Variants in ABCC4 observed in about 807,000 individuals in gnomAD.
The protein encoded by ABCC4 is ATP binding cassette subfamily C member 4 (PEL blood group), also known as ATP-binding cassette sub-family C member 4.
A neutral mutation model predicts 168.5 loss-of-function variants in ABCC4; 102 were observed. That is an observed-to-expected ratio of 0.61 (90% CI 0.52 to 0.71). ABCC4 has a LOEUF of 0.71. Ranked by LOEUF, ABCC4 falls within the 30% of genes least tolerant of loss-of-function variation. The pLI, the probability that ABCC4 is intolerant of heterozygous loss-of-function variation, is 0.00. For missense variants in ABCC4, 1,402 were observed against 1,605.8 expected (o/e 0.87, Z 2.17); for synonymous variants, 617 against 590.7 (o/e 1.04, Z -0.65).
chr13:95,279,853 A>T (rs59517595), intron 1 of ABCC4, among the ~76,000 whole-genome samples: 1,785 of 152,244 alleles, frequency 0.012, 34 homozygotes, highest in African/African-American at 0.04. Context: ...GCCCCCCAGG[A>T]ACAACAGAGC....
chr13:95,054,231 T>C (rs1158261096), intron 26 of ABCC4, among the ~76,000 whole-genome samples: 1 of 151,900 alleles, frequency 6.6e-6, no homozygotes, highest in East Asian at 1.9e-4. Flanking sequence ...TGAAAACCAC[T>C]GTGAAGGAGG....
intron 9 of ABCC4, among the ~76,000 whole-genome samples, chr13:95,188,777 G>A (rs1237063291): frequency 6.6e-6 from 1 of 152,080 alleles, no homozygotes; most frequent in Non-Finnish European, 1.5e-5. Context: ...CCTTTTACCA[G>A]ATTTTCATGT....
At chr13:95,037,482 A>G (rs1437551275) in intron 29 of ABCC4, among the ~76,000 whole-genome samples, 1 of 152,238 alleles carries the variant, frequency 6.6e-6, no homozygotes, top group Non-Finnish European at 1.5e-5. Context: ...CAAGATGCTG[A>G]CAGCCAGAGA....
rs936361521 is a variant in ABCC4, at chr13:95,235,559, A to G, written c.307-725T>C. Among the ~76,000 whole-genome samples the G allele has an allele frequency of 6.6e-5, 10 of 152,236 alleles. No individual in the cohort carries two copies. The East Asian group carries it at 7.7e-4, about 12-fold the overall frequency. ...CCCACAGGCTCGTCTATGGGAGGCC[A>G]GCACTCTTGCCACCTTCTTCACAGT... On this transcript the variant is annotated intron_variant, in intron 3 of 30. Transcript: ENST00000645237.
intron 3 of ABCC4, among the ~76,000 whole-genome samples, chr13:95,244,368 G>C (rs1490883167): frequency 2.0e-5 from 3 of 151,526 alleles, no homozygotes; most frequent in African/African-American, 7.3e-5. Flanking sequence ...GGCCAAGGTG[G>C]GAGGATCATT....
intron 1 of ABCC4, among the ~76,000 whole-genome samples, chr13:95,274,504 G>C (rs1027235188): frequency 7.2e-5 from 11 of 152,138 alleles, no homozygotes; most frequent in Non-Finnish European, 1.3e-4. Context: ...GTAGCTTACA[G>C]CCTGCCAAAA....
intron 20 of ABCC4, among the ~76,000 whole-genome samples, chr13:95,088,019 T>C: frequency 6.6e-6 from 1 of 152,210 alleles, no homozygotes; most frequent in East Asian, 1.9e-4. Context: ...TCATCCCTCA[T>C]ATGCTAATCT....
intron 4 of ABCC4, among the ~76,000 whole-genome samples, chr13:95,218,921 A>AAGAGAGAGAGAGAG (rs1289387063): frequency 1.2e-4 from 3 of 24,732 alleles, no homozygotes; most frequent in Non-Finnish European, 1.9e-4. Flanking sequence ...GAGAGAGAGA[A>AAGAGAGAGAGAGAG]AGAAAGAGAA....
intron 19 of ABCC4, among the ~76,000 whole-genome samples, chr13:95,136,355 A>C (rs564703736): frequency 6.6e-6 from 1 of 152,058 alleles, no homozygotes; most frequent in African/African-American, 2.4e-5. Flanking sequence ...GTGTCTCACT[A>C]TGTTACCCAG....
intron 30 of ABCC4, among the ~76,000 whole-genome samples, chr13:95,032,040 G>A (rs980842817): frequency 6.6e-6 from 1 of 152,122 alleles, no homozygotes; most frequent in Non-Finnish European, 1.5e-5. Flanking sequence ...ATGATTGATC[G>A]GGTTTTATGA....
intron 19 of ABCC4, among the ~76,000 whole-genome samples, chr13:95,145,455 T>C (rs2036459806): frequency 2.1e-5 from 3 of 146,280 alleles, no homozygotes; most frequent in Non-Finnish European, 1.5e-5. Flanking sequence ...ACCCCATCTC[T>C]ACCTAAAAAA....
intron 1 of ABCC4, among the ~76,000 whole-genome samples, chr13:95,258,679 C>T (rs986959057): frequency 6.6e-6 from 1 of 152,032 alleles, no homozygotes; most frequent in Non-Finnish European, 1.5e-5. Flanking sequence ...GCGGGGTGAA[C>T]GAGTGAGTGA....
intron 19 of ABCC4, among the ~76,000 whole-genome samples, chr13:95,116,406 C>A (rs1034161806): frequency 6.6e-6 from 1 of 152,132 alleles, no homozygotes. Flanking sequence ...ATCAGAATTT[C>A]TTTTGCTAAG....
chr13:95,035,338 G>A (rs2032076657), intron 29 of ABCC4, among the ~76,000 whole-genome samples: 1 of 152,186 alleles, frequency 6.6e-6, no homozygotes, highest in Non-Finnish European at 1.5e-5. Flanking sequence ...TCTGAAATCG[G>A]CTCTGGGTGT....
intron 2 of ABCC4, 80 bp downstream of exon 2, chr13:95,247,563 G>A: frequency 9.3e-7 from 1 of 1,077,572 alleles, no homozygotes; most frequent in Non-Finnish European, 1.4e-6. Flanking sequence ...GCTCCAGACA[G>A]GACCCAGGAA....
At chr13:95,261,886 C>A (rs1179442868) in intron 1 of ABCC4, among the ~76,000 whole-genome samples, 1 of 151,776 alleles carries the variant, frequency 6.6e-6, no homozygotes, top group Non-Finnish European at 1.5e-5. Context: ...TCTCTTGAGC[C>A]CAAATGTTCG....
chr13:95,274,127 C>G (rs576346445), intron 1 of ABCC4, among the ~76,000 whole-genome samples: 3 of 152,176 alleles, frequency 2.0e-5, no homozygotes, highest in Non-Finnish European at 2.9e-5. Flanking sequence ...CAGACTCATA[C>G]AACTAACAAG....
rs3764050 is a variant in ABCC4, at chr13:95,258,492, G to A, written c.75-10739C>T. On this transcript the variant is annotated intron_variant, in intron 1 of 30. Coordinates refer to ENST00000645237, the MANE Select transcript of ABCC4 (RefSeq NM_005845.5). ...AAAAACCAAACATACCCTCATTGTC[G>A]ATCATTTATATCCTCATTCTCACTT... 4.5e-4 allele frequency among the ~76,000 whole-genome samples: 68 copies of A among 152,230 alleles called. No individual in the cohort carries two copies. The East Asian group carries it at 0.01, about 23-fold the overall frequency.
intron 4 of ABCC4, among the ~76,000 whole-genome samples, chr13:95,212,875 C>T (rs922784305): frequency 6.6e-6 from 1 of 152,102 alleles, no homozygotes; most frequent in Non-Finnish European, 1.5e-5. Flanking sequence ...CACCTGTAAT[C>T]CCAGCACTTT....
Sources: allele counts gnomAD v4.1 joint callset (sites outside exome capture counted in the v4.1 genomes callset), GRCh38; gene constraint gnomAD v4.1.1; transcripts MANE v1.5; gene names NCBI Gene and HGNC (gene_info 2026-07-23, HGNC 2026-07-21).